Variants in WWC1 observed in about 807,000 individuals in gnomAD.
The protein encoded by WWC1 is protein KIBRA.
Under a neutral mutation model 138.4 loss-of-function variants are expected in WWC1, and 55 were observed. The observed-to-expected ratio is 0.40, with a 90% confidence interval of 0.32 to 0.50. The LOEUF is 0.50. WWC1 is among the 20% of genes least tolerant of loss of function. The pLI is 0.72. For missense variants in WWC1, 1,226 were observed against 1,420.4 expected (o/e 0.86, Z 2.20); for synonymous variants, 524 against 564.9 (o/e 0.93, Z 1.03).
chr5:168,299,925 G>C (rs958229571), intron 1 of WWC1, among the ~76,000 whole-genome samples: 1 of 152,164 alleles, frequency 6.6e-6, no homozygotes, highest in African/African-American at 2.4e-5. Context: ...AGGTGATGAG[G>C]CTCTGCAGCC....
At chr5:168,460,905 A>G (rs1370989800) in intron 20 of WWC1, among the ~76,000 whole-genome samples, 163 bp downstream of exon 20, 2 of 152,172 alleles carry the variant, frequency 1.3e-5, no homozygotes, top group East Asian at 3.9e-4. Context: ...TTTGTGAACT[A>G]TGAGGCCTGT....
chr5:168,300,838 A>G (rs370411979), intron 1 of WWC1, among the ~76,000 whole-genome samples: 31 of 152,268 alleles, frequency 2.0e-4, no homozygotes, highest in Middle Eastern at 6.8e-3. Flanking sequence ...CTGACGGGTA[A>G]CAGACTTGGA....
chr5:168,440,435 C>T (rs1174894146), intron 15 of WWC1, among the ~76,000 whole-genome samples: 2 of 152,170 alleles, frequency 1.3e-5, no homozygotes, highest in African/African-American at 4.8e-5. Flanking sequence ...ATGTAACTAC[C>T]ATATGACCTA....
intron 15 of WWC1, among the ~76,000 whole-genome samples, chr5:168,432,241 T>A (rs1310234152): frequency 6.6e-6 from 1 of 152,164 alleles, no homozygotes; most frequent in Non-Finnish European, 1.5e-5. Flanking sequence ...TTATAAGGAT[T>A]GAGATAGCAC....
At chr5:168,325,646 T>C (rs1581924007) in intron 1 of WWC1, among the ~76,000 whole-genome samples, 1 of 152,336 alleles carries the variant, frequency 6.6e-6, no homozygotes, top group East Asian at 1.9e-4. Flanking sequence ...TTTTCCTTTT[T>C]AAAAAATTGT....
At chr5:168,333,137 A>G (rs1320543622) in intron 1 of WWC1, among the ~76,000 whole-genome samples, 1 of 152,226 alleles carries the variant, frequency 6.6e-6, no homozygotes, top group Non-Finnish European at 1.5e-5. Flanking sequence ...TTCTCTGTCT[A>G]ACCAGGCTGA....
chr5:168,360,458 C>T (rs887219941), intron 1 of WWC1, among the ~76,000 whole-genome samples: 4 of 152,138 alleles, frequency 2.6e-5, no homozygotes, highest in African/African-American at 7.2e-5. Context: ...ATAAAGGAAG[C>T]GATCTATTTT....
chr5:168,426,920 A>G (rs1190007948), intron 11 of WWC1, among the ~76,000 whole-genome samples: 7 of 152,208 alleles, frequency 4.6e-5, no homozygotes, highest in Non-Finnish European at 1.0e-4. Context: ...GAACATGGCA[A>G]TGGGCCTGGC....
intron 1 of WWC1, among the ~76,000 whole-genome samples, chr5:168,358,011 T>G (rs981891324): frequency 1.3e-5 from 2 of 152,206 alleles, no homozygotes; most frequent in African/African-American, 4.8e-5. Flanking sequence ...ATGTGTTCAC[T>G]TGGGAATCTG....
intron 1 of WWC1, among the ~76,000 whole-genome samples, chr5:168,349,246 G>C (rs1774731194): frequency 6.6e-6 from 1 of 152,180 alleles, no homozygotes; most frequent in Non-Finnish European, 1.5e-5. Context: ...CCATGCAGGT[G>C]TAGGCCTCTT....
chr5:168,328,931 C>T (rs1772800346), intron 1 of WWC1, among the ~76,000 whole-genome samples: 1 of 152,190 alleles, frequency 6.6e-6, no homozygotes. Flanking sequence ...TTCCCTCAGT[C>T]AGCACAGCTG....
At chr5:168,337,201 TC>T (rs1561625849) in intron 1 of WWC1, among the ~76,000 whole-genome samples, 2 of 152,272 alleles carry the variant, frequency 1.3e-5, no homozygotes, top group East Asian at 3.9e-4. Flanking sequence ...TGTAACTCTC[TC>T]CCCACTCCCA....
chr5:168,335,936 G>T (rs1773418517), intron 1 of WWC1, among the ~76,000 whole-genome samples: 3 of 152,208 alleles, frequency 2.0e-5, no homozygotes, highest in Non-Finnish European at 4.4e-5. Context: ...GGGGAGAGGG[G>T]AGTCTGTGTC....
Position 168,292,421 on chromosome 5 carries a change from C to A in WWC1, c.119+150C>A. The A allele has an allele frequency of 1.1e-6, 1 of 939,370 alleles. No individual in the cohort carries two copies. The highest frequency in any genetic ancestry group is 1.5e-6 in the Non-Finnish European group (1 of 652,214). The allele number at this position is 939,370 out of a possible 1,614,324, so 58.2% of individuals were successfully genotyped here. Reference sequence around the variant, plus strand: ...GTTCGCCACCCCCTGCTCCCCCCAACCTTCTGGAGCGCTGCTCCCGCCTCA... The same window carrying A: ...GTTCGCCACCCCCTGCTCCCCCCAAACTTCTGGAGCGCTGCTCCCGCCTCA... On this transcript the variant is annotated intron_variant, in intron 1 of 22. Transcript: ENST00000265293. The surrounding 1 kb of genome is among the most constrained non-coding windows in gnomAD (Gnocchi z 4.4).
chr5:168,428,852 C>A, intron 13 of WWC1, 65 bp downstream of exon 13: 2 of 1,560,688 alleles, frequency 1.3e-6, no homozygotes, highest in Admixed American at 1.7e-5. Context: ...TCATCCACAG[C>A]GTTCCCCAGC....
chr5:168,326,463 C>T (rs1322923108), intron 1 of WWC1, among the ~76,000 whole-genome samples: 5 of 151,980 alleles, frequency 3.3e-5, no homozygotes, highest in African/African-American at 7.3e-5. Context: ...GTGATCCGCC[C>T]GCCTCAGCCT....
intron 1 of WWC1, among the ~76,000 whole-genome samples, chr5:168,358,249 G>A (rs73801885): frequency 0.059 from 8,954 of 152,302 alleles, 370 homozygotes; most frequent in African/African-American, 0.11. Flanking sequence ...GCTTCATACA[G>A]TGGTCCTGGA....
intron 1 of WWC1, among the ~76,000 whole-genome samples, chr5:168,321,876 A>G (rs1264202000): frequency 2.0e-5 from 3 of 152,124 alleles, no homozygotes; most frequent in Non-Finnish European, 4.4e-5. Flanking sequence ...TTCTGTTGTA[A>G]TTAGTTAATA....
At chr5:168,331,842 G>A (rs985615171) in intron 1 of WWC1, among the ~76,000 whole-genome samples, 4 of 152,048 alleles carry the variant, frequency 2.6e-5, no homozygotes, top group African/African-American at 7.2e-5. Context: ...AGAGAATCAC[G>A]GAATTCTCTT....
Sources: allele counts gnomAD v4.1 joint callset (sites outside exome capture counted in the v4.1 genomes callset), GRCh38; gene constraint gnomAD v4.1.1; non-coding constraint Gnocchi (gnomAD v3.1); transcripts MANE v1.5; gene names NCBI Gene and HGNC (gene_info 2026-07-23, HGNC 2026-07-21).